The following PDE6B variants were observed in gnomAD, a reference collection of about 807,000 sequenced individuals.
PDE6B encodes the protein phosphodiesterase 6B.
Under a neutral mutation model 109.0 loss-of-function variants are expected in PDE6B, and 106 were observed. That is an observed-to-expected ratio of 0.97 (90% CI 0.83 to 1.14). The LOEUF (loss-of-function observed/expected upper bound fraction) is 1.14, where lower values mean the gene tolerates loss of function less well. Among genes scored for constraint, PDE6B ranks in the 50% most tolerant of loss-of-function variants. The pLI is 0.00. For missense variants in PDE6B, 1,193 were observed against 1,155.6 expected, an observed-to-expected ratio of 1.03 and a Z score of -0.47; for synonymous variants, 490 against 471.3, an observed-to-expected ratio of 1.04 and a Z score of -0.51.
chr4:631,738 A>G (rs1381583447), intron 1 of PDE6B, among the ~76,000 whole-genome samples: 1 of 151,450 alleles, frequency 6.6e-6, no homozygotes, highest in Non-Finnish European at 1.5e-5. Flanking sequence ...CATGAGGGTC[A>G]CATTGTGTGG....
rs370500746 is a variant in PDE6B, at chr4:626,753, G to C, written c.468+659G>C. ...AGTCACTGAAGGAGGGAAGGGCAGG[G>C]CCTGTTCATGCAAAGCCTGGGCTAG... On this transcript the variant is annotated intron_variant, in intron 1 of 21. Transcript: ENST00000496514. The surrounding 1 kb of genome is among the most constrained non-coding windows in gnomAD (Gnocchi z 4.6). Among the ~76,000 whole-genome samples the C allele has an allele frequency of 6.6e-6, 1 of 152,238 alleles. No individual in the cohort carries two copies. Among genetic ancestry groups the C allele is most frequent in the South Asian group, 2.1e-4 (1 of 4,834 alleles).
intron 3 of PDE6B, among the ~76,000 whole-genome samples, chr4:645,941 ATTTAT>A (rs1735181497): frequency 6.6e-6 from 1 of 152,080 alleles, no homozygotes; most frequent in Non-Finnish European, 1.5e-5. Context: ...AATTTCTGCC[ATTTAT>A]TTTACTTATC....
chr4:657,515 C>T, intron 10 of PDE6B, 21 bp downstream of exon 10: 1 of 1,465,380 alleles, frequency 6.8e-7, no homozygotes, highest in Non-Finnish European at 9.5e-7. Flanking sequence ...GCAGGACGTC[C>T]AGGGGTCACC....
intron 20 of PDE6B, 146 bp from the exon 21 acceptor site, chr4:667,710 C>T (rs1737954516): frequency 1.2e-6 from 1 of 824,664 alleles, no homozygotes; most frequent in Non-Finnish European, 2.1e-6. Flanking sequence ...TCACAGGGCT[C>T]TGCTGGGAAG....
intron 6 of PDE6B, chr4:655,262 C>G (rs919690468): frequency 3.0e-6 from 1 of 334,294 alleles, no homozygotes; most frequent in African/African-American, 2.1e-5. Context: ...AGTGGAGCCT[C>G]CAGCCAGGAG....
chr4:660,441 C>T (rs1232811587), intron 11 of PDE6B, 26 bp from the exon 12 acceptor site: 4 of 1,611,898 alleles, frequency 2.5e-6, no homozygotes, highest in Non-Finnish European at 3.4e-6. Context: ...AGGCCAACCT[C>T]CCTCAGCCCA....
rs111666091 is a variant in PDE6B at position 636,040 on chromosome 4, G to C, written c.711+71G>C. On this transcript the variant is annotated intron_variant, in intron 3 of 21. Transcript: ENST00000496514. This position sits in a 1 kb window ranked among gnomAD's most constrained non-coding sequence, Gnocchi z 4.5. ...CTCCGCCCATCTCGCTGCCTGCACA[G>C]AGGCGGGTGGTGGCAGGTGGTCTTG... 14,978 of 908,566 alleles carry C rather than the reference G, an allele frequency of 0.016. 218 individuals carry two copies. The highest frequency in any genetic ancestry group is 0.046 in the Middle Eastern group (202 of 4,348). The allele number at this position is 908,566 out of a possible 1,614,324, so 56.3% of individuals were successfully genotyped here.
Position 634,012 on chromosome 4 carries a change from G to A in PDE6B, c.469-665G>A, listed in dbSNP as rs118140599. On this transcript the variant is annotated intron_variant, in intron 1 of 21. Coordinates refer to ENST00000496514, the MANE Select transcript of PDE6B (RefSeq NM_000283.4). ...TGAGGGTAGGAGTGAGGGTGGGTGG[G>A]TACCCCCTGGGAGCCAGAGGCAGGC... Among the ~76,000 whole-genome samples the A allele has an allele frequency of 1.8e-3, 270 of 151,884 alleles. 4 individuals are homozygous for A. In the East Asian group the frequency reaches 0.045, roughly 25 times the overall value.
At position 663,002 on chromosome 4, in the gene PDE6B, CAAAAA is replaced by C. The variant is rs969757264; in HGVS notation, c.1833-94_1833-90del. ...TGGGTGACAGAGGCAGACCCTGTCT[CAAAAA>C]AAAGAAAGTGGGGCCCATCTGGGGG... On this transcript the variant is annotated intron_variant, in intron 14 of 21. Transcript: ENST00000496514. The surrounding 1 kb of genome is among the most constrained non-coding windows in gnomAD (Gnocchi z 4.0). The C allele has an allele frequency of 2.6e-6, 2 of 776,488 alleles. No homozygotes were observed. The highest frequency in any genetic ancestry group is 1.7e-5 in the African/African-American group (1 of 58,494). 48.1% of individuals were successfully genotyped at this position (776,488 alleles called of 1,614,324 possible). A position where few individuals can be genotyped will look rare whatever the true frequency, so the allele number is the denominator to read the frequency against.
chr4:646,360 G>A (rs1196158008), intron 3 of PDE6B, among the ~76,000 whole-genome samples: 1 of 151,682 alleles, frequency 6.6e-6, no homozygotes, highest in African/African-American at 2.4e-5. Flanking sequence ...TCCACTCTTG[G>A]TCAGATGTTC....
intron 1 of PDE6B, 54 bp from the exon 2 acceptor site, chr4:634,623 G>A (rs1052606286): frequency 2.7e-6 from 4 of 1,464,884 alleles, no homozygotes; most frequent in Non-Finnish European, 2.9e-6. Context: ...AGTGGTGCGG[G>A]CTCCAGGCCC....
chr4:634,881 GCCCGCCC>G lies in PDE6B; in HGVS notation c.621+53_621+59del. The stretch of plus-strand genomic sequence containing the variant: ...CGCGCGTCTGCCTCCCTGCCTGCCT[GCCCGCCC>G]GCCTGTTCTGTGCTGCGCATCCACC... On this transcript the variant is annotated intron_variant, in intron 2 of 21. Transcript: ENST00000496514. The G allele has an allele frequency of 2.0e-6, 3 of 1,507,782 alleles. No individual in the cohort carries two copies. In the South Asian group the frequency reaches 3.4e-5, roughly 17 times the overall value. The allele number at this position is 1,507,782 out of a possible 1,614,324, so 93.4% of individuals were successfully genotyped here.
At chr4:628,182 C>T (rs1352715723) in intron 1 of PDE6B, among the ~76,000 whole-genome samples, 2 of 151,992 alleles carry the variant, frequency 1.3e-5, no homozygotes, top group African/African-American at 4.8e-5. Context: ...AGTGCAAATC[C>T]TCATGAAGTG....
intron 21 of PDE6B, 151 bp from the exon 22 acceptor site, chr4:669,895 T>C (rs1350548911): frequency 5.5e-6 from 4 of 728,908 alleles, no homozygotes; most frequent in South Asian, 1.5e-5. Flanking sequence ...TAAGAAAGGC[T>C]CAGCCCAGCT....
chr4:662,545 G>C lies in PDE6B; in HGVS notation c.1759G>C (p.Ala587Pro). ...KLKSYYTDLE[A>P]FAMVTAGLCH... ...GAAGAGCTACTACACGGACCTGGAG[G>C]CCTTCGCCATGGTGACAGCCGGCCT... is the stretch of plus-strand genomic sequence containing the variant. The change falls in exon 14 of 22, where the codon GCC (alanine) becomes CCC (proline). Residue 587 changes from alanine (A) to proline (P), a missense_variant. Transcript: ENST00000496514. The surrounding 1 kb of genome is among the most constrained non-coding windows in gnomAD (Gnocchi z 4.3). The C allele has an allele frequency of 6.2e-7, 1 of 1,613,070 alleles. No individual in the cohort carries two copies. Among genetic ancestry groups the C allele is most frequent in the Non-Finnish European group, 8.5e-7 (1 of 1,179,798 alleles).
At chr4:627,246 A>G (rs113930580) in intron 1 of PDE6B, among the ~76,000 whole-genome samples, 2 of 151,750 alleles carry the variant, frequency 1.3e-5, no homozygotes, top group African/African-American at 4.8e-5. Flanking sequence ...CCCACGTTCA[A>G]GCGATTCTCC....
At chr4:655,482 AC>A (rs1736106782) in intron 6 of PDE6B, 1 of 312,304 alleles carries the variant, frequency 3.2e-6, no homozygotes, top group East Asian at 8.6e-5. Flanking sequence ...CAGGGCAGGC[AC>A]CAACGCTGAG....
At chr4:668,097 GA>G in intron 21 of PDE6B, 91 bp downstream of exon 21, 2 of 1,290,618 alleles carry the variant, frequency 1.5e-6, no homozygotes, top group East Asian at 4.8e-5. Flanking sequence ...TTAAAATGGA[GA>G]AAAGCAGAGC....
In PDE6B at chr4:626,122, C is replaced by CG. The variant is rs1560098835; in HGVS notation, c.468+30dup. ...GGGTCTGTGCGGAGCCTCAGGGAGG[C>CG]GGCTGTGTGCATCTCTTGCACCTGT... On this transcript the variant is annotated intron_variant, in intron 1 of 21. Coordinates refer to ENST00000496514, the MANE Select transcript of PDE6B (RefSeq NM_000283.4). The surrounding 1 kb of genome is among the most constrained non-coding windows in gnomAD (Gnocchi z 4.6). 1 of 1,339,516 alleles carries CG rather than the reference C, an allele frequency of 7.5e-7. No individual in the cohort carries two copies. The allele number at this position is 1,339,516 out of a possible 1,614,324, so 83.0% of individuals were successfully genotyped here.
Sources: gnomAD v4.1 joint callset for allele counts (sites outside exome capture counted in the v4.1 genomes callset) on GRCh38, gnomAD v4.1.1 for gene constraint, Gnocchi (gnomAD v3.1) non-coding constraint, MANE v1.5 for transcripts, NCBI Gene and HGNC (gene_info 2026-07-23, HGNC 2026-07-21) for gene names.